The following DPYSL2 variants were observed in gnomAD, a reference collection of about 807,000 sequenced individuals.
DPYSL2 encodes the protein dihydropyrimidinase like 2, also known as dihydropyrimidinase-related protein 2.
A neutral mutation model predicts 69.9 loss-of-function variants in DPYSL2; 13 were observed. That is an observed-to-expected ratio of 0.19 (90% CI 0.12 to 0.30). DPYSL2 has a LOEUF of 0.30. Ranked by LOEUF, DPYSL2 falls within the 10% of genes least tolerant of loss-of-function variation. The pLI is 1.00. For synonymous variants in DPYSL2, 326 were observed against 359.1 expected (o/e 0.91, Z 1.04); for missense variants, 587 against 918.9 (o/e 0.64, Z 4.67).
At chr8:26,577,771 C>G (rs1057085115) in intron 1 of DPYSL2, 11 of 987,722 alleles carry the variant, frequency 1.1e-5, no homozygotes, top group Non-Finnish European at 1.1e-5. Context: ...CGGCCGTTCA[C>G]TGCCGCATTT....
Position 26,647,549 on chromosome 8 carries a change from C to A in DPYSL2, c.1426-81C>A. On this transcript the variant is annotated intron_variant, in intron 10 of 13. Transcript: ENST00000521913. The surrounding 1 kb of genome is among the most constrained non-coding windows in gnomAD (Gnocchi z 5.1). Reference sequence around the variant, plus strand: ...CATCCATCTAAGCTGTCGTGTGTATCAATAGTTTGTTATTGAAAAGTAACT... The same window carrying A: ...CATCCATCTAAGCTGTCGTGTGTATAAATAGTTTGTTATTGAAAAGTAACT... 1 of 1,437,464 alleles carries A rather than the reference C, an allele frequency of 7.0e-7. No individual in the cohort carries two copies. The highest frequency in any genetic ancestry group is 9.4e-7 in the Non-Finnish European group (1 of 1,058,994). 89.0% of individuals were successfully genotyped at this position (1,437,464 alleles called of 1,614,324 possible). A position where few individuals can be genotyped will look rare whatever the true frequency, so the allele number is the denominator to read the frequency against.
rs1178808099 is a variant in DPYSL2 at position 26,640,517 on chromosome 8, C to A, written c.1127-2922C>A. ...GCCTGGCTGAGCTCCGGAAGTGCATCCACAGCACCCTCCTGTGAATGTTTA... is the reference window on the plus strand; with the variant it reads ...GCCTGGCTGAGCTCCGGAAGTGCATACACAGCACCCTCCTGTGAATGTTTA... On this transcript the variant is annotated intron_variant, in intron 8 of 13. Coordinates refer to ENST00000521913, the MANE Select transcript of DPYSL2 (RefSeq NM_001197293.3). The surrounding 1 kb of genome is among the most constrained non-coding windows in gnomAD (Gnocchi z 4.2). Among the ~76,000 whole-genome samples, 1 of 152,124 alleles carries A rather than the reference C, an allele frequency of 6.6e-6. No homozygotes were observed. The highest frequency in any genetic ancestry group is 2.4e-5 in the African/African-American group (1 of 41,410).
At chr8:26,548,067 C>G (rs1800809069) in intron 1 of DPYSL2, 3 of 242,894 alleles carry the variant, frequency 1.2e-5, no homozygotes, top group African/African-American at 2.3e-5. Flanking sequence ...ATGGATCCAG[C>G]ATCTGATCCC....
At chr8:26,558,291 G>T (rs1384450853) in intron 1 of DPYSL2, among the ~76,000 whole-genome samples, 14 of 152,132 alleles carry the variant, frequency 9.2e-5, no homozygotes, top group Non-Finnish European at 2.1e-4. Context: ...GCCATTAAAA[G>T]AAATGAAGGA....
intron 1 of DPYSL2, among the ~76,000 whole-genome samples, chr8:26,550,980 C>T (rs1209992619): frequency 6.6e-6 from 1 of 152,174 alleles, no homozygotes; most frequent in African/African-American, 2.4e-5. Context: ...TGCCTTCCAT[C>T]CAGGCCCCCA....
In DPYSL2 at chr8:26,564,041, C is replaced by T. The variant is rs981886816; in HGVS notation, c.355-17928C>T. Reference sequence around the variant, plus strand: ...TGTTTAGAAAGAAGAGTCATAAAAGCGTGAAAAGAGCCAGAAAAAAAGGCA... The same window carrying T: ...TGTTTAGAAAGAAGAGTCATAAAAGTGTGAAAAGAGCCAGAAAAAAAGGCA... On this transcript the variant is annotated intron_variant, in intron 1 of 13. Coordinates refer to ENST00000521913, the MANE Select transcript of DPYSL2 (RefSeq NM_001197293.3). The surrounding 1 kb of genome is among the most constrained non-coding windows in gnomAD (Gnocchi z 4.8). Among the ~76,000 whole-genome samples the T allele has an allele frequency of 3.3e-5, 5 of 151,398 alleles. No homozygotes were observed. Among genetic ancestry groups the T allele is most frequent in the Non-Finnish European group, 7.4e-5 (5 of 67,914 alleles).
intron 1 of DPYSL2, among the ~76,000 whole-genome samples, chr8:26,579,611 C>G (rs552236238): frequency 6.6e-6 from 1 of 152,310 alleles, no homozygotes; most frequent in South Asian, 2.1e-4. Flanking sequence ...GCACACCCAT[C>G]CGCGGGAGAG....
chr8:26,614,255 A>G lies in DPYSL2; in HGVS notation c.629-9888A>G, dbSNP rs530052490. ...CTGTCTGGGAGCTGGACAGACAGGA[A>G]GGGAACAGAACTGGGATGTGGCAGG... On this transcript the variant is annotated intron_variant, in intron 3 of 13. Coordinates refer to ENST00000521913, the MANE Select transcript of DPYSL2 (RefSeq NM_001197293.3). This position sits in a 1 kb window ranked among gnomAD's most constrained non-coding sequence, Gnocchi z 4.9. Among the ~76,000 whole-genome samples, 1 of 152,336 alleles carries G rather than the reference A, an allele frequency of 6.6e-6. No individual in the cohort carries two copies. The highest frequency in any genetic ancestry group is 1.9e-4 in the East Asian group (1 of 5,192).
chr8:26,598,971 CCTT>C lies in DPYSL2; in HGVS notation c.628+14992_628+14994del, dbSNP rs201262036. ...TTTGGCTCACACCCAGCGGGAGTGC[CCTT>C]CTTGTGAAGGAAGCTCGTTCTCTAC... On this transcript the variant is annotated intron_variant, in intron 3 of 13. Transcript: ENST00000521913. This position sits in a 1 kb window ranked among gnomAD's most constrained non-coding sequence, Gnocchi z 4.2. Among the ~76,000 whole-genome samples the C allele has an allele frequency of 6.7e-3, 1,022 of 152,280 alleles. 15 individuals are homozygous for C. Among genetic ancestry groups the C allele is most frequent in the African/African-American group, 0.023 (956 of 41,564 alleles).
intron 1 of DPYSL2, chr8:26,577,765 C>G (rs371898183): frequency 3.1e-6 from 3 of 977,360 alleles, no homozygotes; most frequent in African/African-American, 1.8e-5. Context: ...CGCCCCCGGC[C>G]GTTCACTGCC....
chr8:26,564,805 G>A lies in DPYSL2; in HGVS notation c.355-17164G>A, dbSNP rs532240694. On this transcript the variant is annotated intron_variant, in intron 1 of 13. Coordinates refer to ENST00000521913, the MANE Select transcript of DPYSL2 (RefSeq NM_001197293.3). This position sits in a 1 kb window ranked among gnomAD's most constrained non-coding sequence, Gnocchi z 4.8. ...TTTCAATAGCTTTTGGGATACAAGT[G>A]GTTTTTGGTTACATAGATGAATTGT... is the stretch of plus-strand genomic sequence containing the variant. Among the ~76,000 whole-genome samples, 27 of 152,178 alleles carry A rather than the reference G, an allele frequency of 1.8e-4. No individual in the cohort carries two copies. The highest frequency in any genetic ancestry group is 5.1e-4 in the African/African-American group (21 of 41,508).
rs1044154014 is a variant in DPYSL2, at chr8:26,555,257, C to G, written c.355-26712C>G. On this transcript the variant is annotated intron_variant, in intron 1 of 13. Transcript: ENST00000521913. The stretch of plus-strand genomic sequence containing the variant: ...CATTGCACTGAAATCCTAGGTAATA[C>G]AAGAAGCAAGAAAAGAAAAAAAAGG... Among the ~76,000 whole-genome samples, 8 of 150,728 alleles carry G rather than the reference C, an allele frequency of 5.3e-5. No individual in the cohort carries two copies. The East Asian group carries it at 1.4e-3, about 26-fold the overall frequency.
chr8:26,550,023 A>AT (rs1469290677), intron 1 of DPYSL2, among the ~76,000 whole-genome samples: 3 of 152,236 alleles, frequency 2.0e-5, no homozygotes, highest in Non-Finnish European at 4.4e-5. Context: ...TAAATAAAGT[A>AT]TTTTTAAGAT....
chr8:26,604,389 T>G (rs1802061856), intron 3 of DPYSL2, among the ~76,000 whole-genome samples: 1 of 152,096 alleles, frequency 6.6e-6, no homozygotes, highest in Admixed American at 6.5e-5. Context: ...TTCTGCCAGG[T>G]CCAAAGGCCC....
intron 1 of DPYSL2, 76 bp from the exon 2 acceptor site, chr8:26,581,893 C>A: frequency 9.0e-7 from 1 of 1,114,398 alleles, no homozygotes; most frequent in Non-Finnish European, 1.4e-6. Flanking sequence ...GAAAATGTAT[C>A]CTTAGCTCAC....
At chr8:26,607,148 T>C (rs899845187) in intron 3 of DPYSL2, among the ~76,000 whole-genome samples, 2 of 152,186 alleles carry the variant, frequency 1.3e-5, no homozygotes, top group Non-Finnish European at 2.9e-5. Flanking sequence ...ACTGGTATAG[T>C]AAATTAAGGC....
At position 26,525,275 on chromosome 8, in the gene DPYSL2, G is replaced by A. The variant is rs889021718; in HGVS notation, c.354+10596G>A. 4.6e-5 allele frequency among the ~76,000 whole-genome samples: 7 copies of A among 152,152 alleles called. No homozygotes were observed. The East Asian group carries it at 5.8e-4, about 13-fold the overall frequency. ...TACTCTGTCACCCAGGCTGGAGTGC[G>A]GTGGCATCATCATAAGTTCACTGCA... On this transcript the variant is annotated intron_variant, in intron 1 of 13. Coordinates refer to ENST00000521913, the MANE Select transcript of DPYSL2 (RefSeq NM_001197293.3).
At chr8:26,589,909 C>T (rs1801686444) in intron 3 of DPYSL2, among the ~76,000 whole-genome samples, 1 of 152,234 alleles carries the variant, frequency 6.6e-6, no homozygotes, top group African/African-American at 2.4e-5. Flanking sequence ...TGTCCCGGCT[C>T]TTCCTACTGA....
chr8:26,639,110 T>A (rs1802985220), intron 8 of DPYSL2, among the ~76,000 whole-genome samples: 1 of 152,150 alleles, frequency 6.6e-6, no homozygotes, highest in Non-Finnish European at 1.5e-5. Flanking sequence ...TGTGGGTCAA[T>A]AGGAGTGACT....
Sources: allele counts gnomAD v4.1 joint callset (sites outside exome capture counted in the v4.1 genomes callset), GRCh38; gene constraint gnomAD v4.1.1; non-coding constraint Gnocchi (gnomAD v3.1); transcripts MANE v1.5; gene names NCBI Gene and HGNC (gene_info 2026-07-23, HGNC 2026-07-21).